HECTD4: variants seen among roughly 807,000 people sequenced by gnomAD.
The protein encoded by HECTD4 is HECT domain E3 ubiquitin protein ligase 4, also known as probable E3 ubiquitin-protein ligase HECTD4.
HECTD4 carries 114 observed loss-of-function variants against 471.5 expected under a neutral mutation model. That is an observed-to-expected ratio of 0.24 (90% confidence interval 0.21 to 0.28). HECTD4 has a LOEUF of 0.28. Among genes scored for constraint, HECTD4 ranks in the 10% least tolerant of loss-of-function variants. The pLI is 1.00. For synonymous variants in HECTD4, 2,012 were observed against 2,256.0 expected, an observed-to-expected ratio of 0.89 and a Z score of 3.07; for missense variants, 3,866 against 5,651.5, an observed-to-expected ratio of 0.68 and a Z score of 10.13.
At chr12:112,333,670 C>T (rs1467598557) in intron 1 of HECTD4, among the ~76,000 whole-genome samples, 1 of 151,938 alleles carries the variant, frequency 6.6e-6, no homozygotes, top group Non-Finnish European at 1.5e-5. Context: ...AGAGCAAAAT[C>T]CCTGTATCTA....
At chr12:112,330,549 C>T (rs1248111309) in intron 1 of HECTD4, among the ~76,000 whole-genome samples, 2 of 152,150 alleles carry the variant, frequency 1.3e-5, no homozygotes, top group African/African-American at 4.8e-5. Context: ...AACTGAACAG[C>T]TCTGATACGT....
At chr12:112,256,640 G>T in intron 20 of HECTD4, 122 bp from the exon 21 acceptor site, 1 of 502,616 alleles carries the variant, frequency 2.0e-6, no homozygotes, top group Non-Finnish European at 3.2e-6. Context: ...GCTTTTAAAT[G>T]CTTGATATCA....
At chr12:112,268,436 T>C (rs181373561) in intron 13 of HECTD4, among the ~76,000 whole-genome samples, 1 of 152,312 alleles carries the variant, frequency 6.6e-6, no homozygotes, top group Non-Finnish European at 1.5e-5. Flanking sequence ...TTATACTTAA[T>C]CACTTTAAGG....
At position 112,185,390 on chromosome 12, in the gene HECTD4, C is replaced by T. The variant is rs1323505066; in HGVS notation, c.9576G>A (p.Arg3192=). ...TTGAGGAGGACAGGCCAGCGGGGTG[C>T]CGCCTCTGCTCCAGGGTGTGCACCG... ...LRTVHTLEQR[R]HPAGLSSSIA... is the part of the protein sequence containing the mutation. Residue 3192 remains arginine, a synonymous_variant, in exon 61 of 76, where the codon CGG becomes CGA. Transcript: ENST00000682272. The T allele has an allele frequency of 1.2e-6, 2 of 1,612,116 alleles. No individual in the cohort carries two copies. The highest frequency in any genetic ancestry group is 1.7e-6 in the Non-Finnish European group (2 of 1,179,462).
intron 1 of HECTD4, among the ~76,000 whole-genome samples, chr12:112,369,269 T>A (rs1273666236): frequency 6.6e-6 from 1 of 152,030 alleles, no homozygotes; most frequent in Non-Finnish European, 1.5e-5. Context: ...CATTTCTAGG[T>A]ACCCAATTAC....
intron 1 of HECTD4, among the ~76,000 whole-genome samples, chr12:112,335,143 T>C (rs1473146003): frequency 4.8e-5 from 7 of 146,900 alleles, no homozygotes; most frequent in East Asian, 2.2e-4. Flanking sequence ...GAAACTGTGA[T>C]ACACACACAC....
chr12:112,182,535 G>C (rs2031715702), intron 62 of HECTD4, among the ~76,000 whole-genome samples: 1 of 152,208 alleles, frequency 6.6e-6, no homozygotes, highest in Admixed American at 6.5e-5. Flanking sequence ...GGACGCATGA[G>C]CTGTCCTCAA....
intron 1 of HECTD4, among the ~76,000 whole-genome samples, chr12:112,376,444 C>T (rs1328857215): frequency 6.6e-6 from 1 of 152,020 alleles, no homozygotes; most frequent in East Asian, 1.9e-4. Context: ...GACGGGGTTT[C>T]ACCGTGTTAG....
rs970951115 is a variant in HECTD4 at position 112,161,009 on chromosome 12, T to C, written c.*1378A>G. On this transcript the variant is annotated 3_prime_UTR_variant, in exon 76 of 76. Transcript: ENST00000682272. ...CAGGGAGGAGATGGATGCTAACGGC[T>C]CTATCTCTAGAATTCACAATCTTTC... 1 of 152,316 alleles carries C rather than the reference T, an allele frequency of 6.6e-6. No individual in the cohort carries two copies. Among genetic ancestry groups the C allele is most frequent in the East Asian group, 1.9e-4 (1 of 5,192 alleles). 9.4% of individuals were successfully genotyped at this position (152,316 alleles called of 1,614,324 possible).
At position 112,170,355 on chromosome 12, in the gene HECTD4, C is replaced by T. The variant is rs765487884; in HGVS notation, c.12030G>A (p.Leu4010=). 2 of 1,613,986 alleles carry T rather than the reference C, an allele frequency of 1.2e-6. No individual in the cohort carries two copies. Among genetic ancestry groups the T allele is most frequent in the South Asian group, 2.2e-5 (2 of 91,090 alleles). The change falls in exon 69 of 76, where the codon TTG becomes TTA. Residue 4010 remains leucine, a synonymous_variant. Transcript: ENST00000682272. ...TADHAAPEIT[L]DPLEIVGGEI... ...CACCTCCCACAATTTCCAGTGGGTC[C>T]AAGGTGATCTCAGGGGCCGCGTGGT...
intron 52 of HECTD4, among the ~76,000 whole-genome samples, chr12:112,205,132 C>CAAA (rs397851178): frequency 1.3e-5 from 1 of 77,714 alleles, no homozygotes; most frequent in African/African-American, 4.5e-5. Context: ...GACTCCATCT[C>CAAA]AAAAAAAAAA....
At position 112,191,911 on chromosome 12, in the gene HECTD4, G is replaced by A. The variant is rs374082941; in HGVS notation, c.9292+649C>T. Among the ~76,000 whole-genome samples the A allele has an allele frequency of 3.9e-5, 6 of 152,272 alleles. No homozygotes were observed. In the South Asian group the frequency reaches 8.3e-4, roughly 21 times the overall value. Reference sequence around the variant, plus strand: ...TGTTTTCTGTCTCTGGCAAACACGCGTCAGTCTTTTCCTGTCAAGCATGCC... The same window carrying A: ...TGTTTTCTGTCTCTGGCAAACACGCATCAGTCTTTTCCTGTCAAGCATGCC... On this transcript the variant is annotated intron_variant, in intron 59 of 75. Coordinates refer to ENST00000682272, the MANE Select transcript of HECTD4 (RefSeq NM_001388303.1).
At chr12:112,237,129 T>C (rs1419227581) in intron 34 of HECTD4, 31 bp from the exon 35 acceptor site, 2 of 1,521,436 alleles carry the variant, frequency 1.3e-6, no homozygotes, top group Non-Finnish European at 1.8e-6. Flanking sequence ...AAAAAGAGAT[T>C]GGTGAAAACT....
intron 66 of HECTD4, 48 bp downstream of exon 66, chr12:112,175,688 A>G: frequency 6.3e-7 from 1 of 1,588,568 alleles, no homozygotes; most frequent in Non-Finnish European, 8.6e-7. Flanking sequence ...TTGGCTGAAA[A>G]CAATTTCTAT....
chr12:112,339,453 C>G (rs946027224), intron 1 of HECTD4, among the ~76,000 whole-genome samples: 4 of 151,686 alleles, frequency 2.6e-5, no homozygotes, highest in African/African-American at 9.7e-5. Context: ...AAAAGAAAAA[C>G]AAAATTCAGA....
chr12:112,231,193 C>T, intron 39 of HECTD4: 1 of 455,654 alleles, frequency 2.2e-6, no homozygotes, highest in African/African-American at 1.9e-5. Flanking sequence ...TCAGTTGGGG[C>T]AGTGGAGATG....
rs377053677 is a variant in HECTD4 at position 112,163,656 on chromosome 12, G to T, written c.12783C>A (p.Ala4261=). 1 of 1,540,324 alleles carries T rather than the reference G, an allele frequency of 6.5e-7. No homozygotes were observed. Among genetic ancestry groups the T allele is most frequent in the African/African-American group, 1.4e-5 (1 of 72,766 alleles). Residue 4261 remains alanine (A), a synonymous_variant, in exon 74 of 76, where the codon GCC becomes GCA. Coordinates refer to ENST00000682272, the MANE Select transcript of HECTD4 (RefSeq NM_001388303.1). This position sits in a 1 kb window ranked among gnomAD's most constrained non-coding sequence, Gnocchi z 8.2. The part of the protein sequence containing the change: ...RELQNVECVT[A]VRAGLGSIIP... ...TGATGGAGCCCAGGCCGGCCCGCAC[G>T]GCCGTCACGCACTCCACATTCTGCA...
At chr12:112,240,228 C>T (rs2033607849) in intron 32 of HECTD4, among the ~76,000 whole-genome samples, 1 of 152,146 alleles carries the variant, frequency 6.6e-6, no homozygotes, top group South Asian at 2.1e-4. Flanking sequence ...AACAGCGGTC[C>T]ACACTCCAGA....
intron 1 of HECTD4, among the ~76,000 whole-genome samples, chr12:112,368,265 T>G (rs151266027): frequency 6.6e-6 from 1 of 152,198 alleles, no homozygotes; most frequent in Non-Finnish European, 1.5e-5. Context: ...ATGTGCTTAA[T>G]AGCACTTTCT....
Sources: gnomAD v4.1 joint callset for allele counts (sites outside exome capture counted in the v4.1 genomes callset) on GRCh38, gnomAD v4.1.1 for gene constraint, Gnocchi (gnomAD v3.1) non-coding constraint, MANE v1.5 for transcripts, NCBI Gene and HGNC (gene_info 2026-07-23, HGNC 2026-07-21) for gene names.